ARIH1: variants seen among roughly 807,000 people sequenced by gnomAD.
ARIH1 encodes ariadne RBR E3 ubiquitin protein ligase 1.
ARIH1 carries 8 observed loss-of-function variants against 85.0 expected under a neutral mutation model. That is an observed-to-expected ratio of 0.09 (90% confidence interval 0.06 to 0.17). The LOEUF is 0.17. Among genes scored for constraint, ARIH1 ranks in the 10% least tolerant of loss-of-function variants. The pLI, the probability that ARIH1 is intolerant of heterozygous loss-of-function variation, is 1.00. For missense variants in ARIH1, 311 were observed against 718.1 expected (o/e 0.43, Z 6.48); for synonymous variants, 238 against 253.6 (o/e 0.94, Z 0.59).
At chr15:72,530,760 G>A (rs1433437065) in intron 2 of ARIH1, among the ~76,000 whole-genome samples, 1 of 152,142 alleles carries the variant, frequency 6.6e-6, no homozygotes, top group East Asian at 1.9e-4. Context: ...AATTAACTTT[G>A]TGACATAGTT....
At chr15:72,578,327 G>T (rs919784187) in intron 11 of ARIH1, among the ~76,000 whole-genome samples, 2 of 152,184 alleles carry the variant, frequency 1.3e-5, no homozygotes, top group Admixed American at 1.3e-4. Flanking sequence ...CATCTTCAGT[G>T]GTGCTCTCCT....
chr15:72,529,580 T>C (rs2064046545), intron 2 of ARIH1, among the ~76,000 whole-genome samples: 1 of 152,218 alleles, frequency 6.6e-6, no homozygotes, highest in African/African-American at 2.4e-5. Context: ...CACAACAGTG[T>C]ATCATACAAT....
intron 1 of ARIH1, among the ~76,000 whole-genome samples, chr15:72,484,529 GT>G (rs1296058087): frequency 6.6e-6 from 1 of 151,518 alleles, no homozygotes; most frequent in African/African-American, 2.4e-5. Flanking sequence ...TTGGTTTTCT[GT>G]TCTTGATTTA....
chr15:72,572,702 C>G (rs1160324905), intron 11 of ARIH1, among the ~76,000 whole-genome samples: 3 of 152,176 alleles, frequency 2.0e-5, no homozygotes, highest in Non-Finnish European at 4.4e-5. Context: ...TTGGTAGAGT[C>G]TTGCTTTCAA....
chr15:72,554,693 G>C (rs536774683), intron 3 of ARIH1, among the ~76,000 whole-genome samples: 1 of 152,210 alleles, frequency 6.6e-6, no homozygotes, highest in Non-Finnish European at 1.5e-5. Context: ...TGCTTTATCT[G>C]TCTTTTTATT....
chr15:72,574,166 C>G (rs2064260006), intron 11 of ARIH1, among the ~76,000 whole-genome samples: 1 of 152,104 alleles, frequency 6.6e-6, no homozygotes, highest in Admixed American at 6.6e-5. Context: ...TTTCTGAGAT[C>G]TATAGGGAGG....
intron 11 of ARIH1, among the ~76,000 whole-genome samples, chr15:72,576,857 A>G (rs2064273686): frequency 6.6e-6 from 1 of 152,112 alleles, no homozygotes; most frequent in Non-Finnish European, 1.5e-5. Flanking sequence ...GAAAATCCAC[A>G]TACCACTTTT....
chr15:72,533,665 G>C (rs1320442688), intron 2 of ARIH1, among the ~76,000 whole-genome samples: 1 of 152,136 alleles, frequency 6.6e-6, no homozygotes. Flanking sequence ...CATGCCTGTG[G>C]ACTCAGCAAC....
chr15:72,515,404 T>G lies in ARIH1; in HGVS notation c.376-2663T>G, dbSNP rs533865018. Among the ~76,000 whole-genome samples the G allele has an allele frequency of 1.4e-4, 22 of 152,278 alleles. No homozygotes were observed. In the South Asian group the frequency reaches 4.4e-3, roughly 30 times the overall value. On this transcript the variant is annotated intron_variant, in intron 1 of 13. Transcript: ENST00000379887. ...TTAAAAGTCTTTGATAATTGTAATA[T>G]CTGGGTCATCTAGGAGTCAGCATCT...
chr15:72,517,768 A>G (rs1283268807), intron 1 of ARIH1, among the ~76,000 whole-genome samples: 1 of 151,736 alleles, frequency 6.6e-6, no homozygotes, highest in Non-Finnish European at 1.5e-5. Flanking sequence ...GTCTGCTGAA[A>G]TTATTTTTTT....
intron 1 of ARIH1, among the ~76,000 whole-genome samples, chr15:72,483,429 A>G (rs376189205): frequency 1.1e-4 from 16 of 152,298 alleles, no homozygotes; most frequent in Non-Finnish European, 1.6e-4. Flanking sequence ...GCAATATTCT[A>G]TTTGTTGTAA....
intron 1 of ARIH1, among the ~76,000 whole-genome samples, chr15:72,506,185 A>T (rs1008126019): frequency 2.0e-5 from 3 of 151,846 alleles, no homozygotes; most frequent in Non-Finnish European, 4.4e-5. Flanking sequence ...TTTCTCTACT[A>T]AAAAATACAA....
chr15:72,514,878 T>G (rs997167000), intron 1 of ARIH1, among the ~76,000 whole-genome samples: 5 of 151,960 alleles, frequency 3.3e-5, no homozygotes, highest in African/African-American at 1.2e-4. Flanking sequence ...CATGCCCCTG[T>G]AATCCCAGCC....
rs181866030 is a variant in ARIH1 at position 72,493,816 on chromosome 15, T to A, written c.375+18802T>A. Among the ~76,000 whole-genome samples, 368 of 152,290 alleles carry A rather than the reference T, an allele frequency of 2.4e-3. 3 individuals are homozygous for A. Among genetic ancestry groups the A allele is most frequent in the African/African-American group, 6.7e-3 (280 of 41,570 alleles). On this transcript the variant is annotated intron_variant, in intron 1 of 13. Transcript: ENST00000379887. ...TTTCTCCATAACCTCAGATTTTTTTTAAAAAGTTAAAACAGTCTTAGTATG... is the reference window on the plus strand; with the variant it reads ...TTTCTCCATAACCTCAGATTTTTTTAAAAAAGTTAAAACAGTCTTAGTATG...
At position 72,596,522 on chromosome 15, in the gene ARIH1, A is replaced by G. The variant is rs1383650241; in HGVS notation, c.*13230A>G. 2 of 151,990 alleles carry G rather than the reference A, an allele frequency of 1.3e-5. No homozygotes were observed. Among genetic ancestry groups the G allele is most frequent in the African/African-American group, 4.8e-5 (2 of 41,380 alleles). 9.4% of individuals were successfully genotyped at this position (151,990 alleles called of 1,614,324 possible). On this transcript the variant is annotated 3_prime_UTR_variant, in exon 14 of 14. Transcript: ENST00000379887. ...TCTTTCTTGGCCGTTATCCGTTTAC[A>G]TTTTTCTCTTGTCTCATACTCTCTT... is the stretch of plus-strand genomic sequence containing the variant.
intron 10 of ARIH1, among the ~76,000 whole-genome samples, chr15:72,571,129 CAAAAAAAAAAAAA>C (rs56376097): frequency 6.5e-5 from 4 of 61,440 alleles, no homozygotes; most frequent in Admixed American, 2.5e-4. Flanking sequence ...AACTGTGTCT[CAAAAAAAAAAAAA>C]AAAAAAAAAA....
intron 3 of ARIH1, among the ~76,000 whole-genome samples, chr15:72,549,327 A>T (rs2064143364): frequency 6.6e-6 from 1 of 152,144 alleles, no homozygotes; most frequent in African/African-American, 2.4e-5. Flanking sequence ...ACTTAAGGTG[A>T]TCCACCCACC....
intron 1 of ARIH1, among the ~76,000 whole-genome samples, chr15:72,505,471 G>A (rs1382451275): frequency 3.3e-5 from 5 of 151,684 alleles, no homozygotes; most frequent in African/African-American, 9.7e-5. Flanking sequence ...TATGAATATA[G>A]CATAATTTAT....
At chr15:72,504,540 AGTCAAGCT>A (rs1323678986) in intron 1 of ARIH1, among the ~76,000 whole-genome samples, 4 of 152,112 alleles carry the variant, frequency 2.6e-5, no homozygotes, top group Non-Finnish European at 2.9e-5. Flanking sequence ...TCTTTCCTGA[AGTCAAGCT>A]GCCCCTCTGA....
Sources: gnomAD v4.1 joint callset for allele counts (sites outside exome capture counted in the v4.1 genomes callset) on GRCh38, gnomAD v4.1.1 for gene constraint, MANE v1.5 for transcripts, NCBI Gene and HGNC (gene_info 2026-07-23, HGNC 2026-07-21) for gene names.